SRGAP2: variants seen among roughly 807,000 people sequenced by gnomAD.
SRGAP2 encodes the protein SLIT-ROBO Rho GTPase activating protein 2, also known as SLIT-ROBO Rho GTPase-activating protein 2.
SRGAP2 carries 15 observed loss-of-function variants against 57.2 expected under a neutral mutation model. The observed-to-expected ratio is 0.26, with a 90% confidence interval of 0.18 to 0.40. The LOEUF (loss-of-function observed/expected upper bound fraction) is 0.40, where lower values mean the gene tolerates loss of function less well. Among genes scored for constraint, SRGAP2 ranks in the 10% least tolerant of loss-of-function variants. The pLI is 1.00. For missense variants in SRGAP2, 520 were observed against 669.6 expected (o/e 0.78, Z 2.47); for synonymous variants, 249 against 248.0 (o/e 1.00, Z -0.04).
At chr1:206,263,407 C>T (rs1669690369) in intron 2 of SRGAP2, among the ~76,000 whole-genome samples, 1 of 149,800 alleles carries the variant, frequency 6.7e-6, no homozygotes, top group African/African-American at 2.5e-5. Context: ...TGGGCAGAAG[C>T]AGTTGCCAGT....
At chr1:206,386,785 C>T (rs1248646422) in intron 5 of SRGAP2, among the ~76,000 whole-genome samples, 6 of 134,992 alleles carry the variant, frequency 4.4e-5, no homozygotes, top group African/African-American at 1.7e-4. Context: ...GGCAACAGAG[C>T]GAGACTGTCT....
At chr1:206,226,881 A>ACACG (rs1158776880) in intron 2 of SRGAP2, among the ~76,000 whole-genome samples, 2 of 151,974 alleles carry the variant, frequency 1.3e-5, no homozygotes, top group Non-Finnish European at 2.9e-5. Flanking sequence ...AGATAGATGA[A>ACACG]CACGCACCTT....
intron 2 of SRGAP2, among the ~76,000 whole-genome samples, chr1:206,272,382 G>A (rs1464212828): frequency 6.7e-6 from 1 of 149,318 alleles, no homozygotes; most frequent in African/African-American, 2.5e-5. Flanking sequence ...TACTAACCAG[G>A]TGCCTACTGC....
chr1:206,401,311 G>A, intron 7 of SRGAP2, 110 bp from the exon 8 acceptor site: 2 of 715,434 alleles, frequency 2.8e-6, no homozygotes, highest in Non-Finnish European at 5.2e-6. Context: ...TCTTTCTACT[G>A]CACAGCCAAG....
intron 5 of SRGAP2, among the ~76,000 whole-genome samples, chr1:206,385,380 TC>T (rs1436167143): frequency 6.7e-6 from 1 of 149,248 alleles, no homozygotes; most frequent in Non-Finnish European, 1.5e-5. Context: ...CTCTTTTAGA[TC>T]AATTTCTAAG....
rs151194291 is a variant in SRGAP2, at chr1:206,251,593, A to G, written c.67+45556A>G. 6.0e-3 allele frequency among the ~76,000 whole-genome samples: 908 copies of G among 151,468 alleles called. 8 individuals are homozygous for G. Among genetic ancestry groups the G allele is most frequent in the African/African-American group, 0.021 (858 of 41,178 alleles). On this transcript the variant is annotated intron_variant, in intron 2 of 22. Coordinates refer to ENST00000573034, the MANE Select transcript of SRGAP2 (RefSeq NM_015326.5). ...AGGATTACCTTTAGCCCTCTAAGTG[A>G]TCAGATCTGCCTCACTGTCACTCAT...
In SRGAP2 at chr1:206,418,484, C is replaced by G. The variant is rs896094561; in HGVS notation, c.1442-889C>G. Among the ~76,000 whole-genome samples, 2 of 152,212 alleles carry G rather than the reference C, an allele frequency of 1.3e-5. 1 individual carries two copies. The highest frequency in any genetic ancestry group is 1.3e-4 in the Admixed American group (2 of 15,290). ...TGTGGGAGCTGATTTTTACTTCCCC[C>G]AGCTCAGCACCTGCTAGGGTTTGCC... On this transcript the variant is annotated intron_variant, in intron 11 of 22. Transcript: ENST00000573034.
chr1:206,408,189 TC>T (rs1242642892), intron 10 of SRGAP2, among the ~76,000 whole-genome samples: 2 of 111,156 alleles, frequency 1.8e-5, no homozygotes, highest in African/African-American at 7.1e-5. Flanking sequence ...GGGAGAACTT[TC>T]ATTTTTACTT....
chr1:206,347,306 G>A (rs1675708191), intron 4 of SRGAP2, among the ~76,000 whole-genome samples: 2 of 152,054 alleles, frequency 1.3e-5, no homozygotes, highest in South Asian at 2.1e-4. Context: ...GGCTGAGAGC[G>A]GTGGCTCACG....
chr1:206,291,408 A>G (rs1183018957), intron 2 of SRGAP2, among the ~76,000 whole-genome samples: 1 of 152,176 alleles, frequency 6.6e-6, no homozygotes, highest in Non-Finnish European at 1.5e-5. Context: ...CATCTCTTTT[A>G]TTCTTCATAA....
At chr1:206,301,106 A>G (rs1201691786) in intron 2 of SRGAP2, among the ~76,000 whole-genome samples, 2 of 152,154 alleles carry the variant, frequency 1.3e-5, no homozygotes, top group Non-Finnish European at 2.9e-5. Context: ...ATCTCTGCTC[A>G]GTGCAAGCTC....
chr1:206,258,203 T>C (rs1437409147), intron 2 of SRGAP2, among the ~76,000 whole-genome samples: 1 of 151,668 alleles, frequency 6.6e-6, no homozygotes, highest in African/African-American at 2.4e-5. Context: ...TCTGTCCTGC[T>C]GCCTATTTTT....
chr1:206,324,663 C>G (rs1270029863), intron 3 of SRGAP2, among the ~76,000 whole-genome samples: 1 of 152,180 alleles, frequency 6.6e-6, no homozygotes, highest in African/African-American at 2.4e-5. Context: ...AAAGCAGTGA[C>G]ATTGGACCCA....
chr1:206,314,118 TG>T (rs1168001544), intron 3 of SRGAP2, among the ~76,000 whole-genome samples: 3,089 of 131,676 alleles, frequency 0.023, 102 homozygotes, highest in African/African-American at 0.076. Flanking sequence ...TTTTTTTTTT[TG>T]TTGTTGTTGT....
rs1245557288 is a variant in SRGAP2, at chr1:206,458,824, C to T, written c.2709C>T (p.Ser903=). ...CSISGHGSLN[S]ISRHSSLKNR... ...TCAGTGGGCACGGGAGCCTCAACTC[C>T]ATCAGCCGCCACTCATCCCTGAAGA... The change falls in exon 22 of 23, where the codon TCC becomes TCT. Residue 903 remains serine, a synonymous_variant. Transcript: ENST00000573034. The T allele has an allele frequency of 1.4e-5, 11 of 780,522 alleles. No individual in the cohort carries two copies. The African/African-American group carries it at 1.9e-4, about 13-fold the overall frequency. 48.3% of individuals were successfully genotyped at this position (780,522 alleles called of 1,614,324 possible).
chr1:206,245,150 AC>A (rs1668468107), intron 2 of SRGAP2, among the ~76,000 whole-genome samples: 1 of 134,780 alleles, frequency 7.4e-6, no homozygotes, highest in South Asian at 2.8e-4. Context: ...GGAAGTGGTA[AC>A]CATGTCAGAG....
rs1553375372 is a variant in SRGAP2 at position 206,450,366 on chromosome 1, C to A, written c.2100-20C>A. ...TATGAGCACATGTTAATGTCCCTGTCACTCTTGCTTCTGTTGCAGTGATAG... is the reference window on the plus strand; with the variant it reads ...TATGAGCACATGTTAATGTCCCTGTAACTCTTGCTTCTGTTGCAGTGATAG... On this transcript the variant is annotated intron_variant, in intron 18 of 22. Transcript: ENST00000573034. 1 of 780,378 alleles carries A rather than the reference C, an allele frequency of 1.3e-6. No individual in the cohort carries two copies. Among genetic ancestry groups the A allele is most frequent in the South Asian group, 1.3e-5 (1 of 74,490 alleles). 48.3% of individuals were successfully genotyped at this position (780,378 alleles called of 1,614,324 possible).
intron 13 of SRGAP2, among the ~76,000 whole-genome samples, chr1:206,428,522 G>A (rs782279461): frequency 3.3e-5 from 5 of 151,928 alleles, no homozygotes; most frequent in Non-Finnish European, 5.9e-5. Flanking sequence ...TTTGCTGAAT[G>A]CCTAGGGTGC....
At chr1:206,424,349 C>T (rs1660608715) in intron 13 of SRGAP2, among the ~76,000 whole-genome samples, 1 of 152,102 alleles carries the variant, frequency 6.6e-6, no homozygotes, top group South Asian at 2.1e-4. Flanking sequence ...AAGGAAGAGA[C>T]GAATAGTACA....
Sources: gnomAD v4.1 joint callset for allele counts (sites outside exome capture counted in the v4.1 genomes callset) on GRCh38, gnomAD v4.1.1 for gene constraint, MANE v1.5 for transcripts, NCBI Gene and HGNC (gene_info 2026-07-23, HGNC 2026-07-21) for gene names.